The following DDX10 variants were observed in gnomAD, a reference collection of about 807,000 sequenced individuals.
DDX10 encodes the protein DEAD-box helicase 10.
A neutral mutation model predicts 104.3 loss-of-function variants in DDX10; 74 were observed. The observed-to-expected ratio is 0.71, with a 90% CI of 0.59 to 0.86. DDX10 has a LOEUF of 0.86. DDX10 is among the 40% of genes least tolerant of loss of function. DDX10 has a pLI of 0.00. For missense variants in DDX10, 952 were observed against 1,040.0 expected, an observed-to-expected ratio of 0.92 and a Z score of 1.16; for synonymous variants, 351 against 353.4, an observed-to-expected ratio of 0.99 and a Z score of 0.08.
intron 6 of DDX10, among the ~76,000 whole-genome samples, chr11:108,680,509 G>C (rs2094233381): frequency 6.6e-6 from 1 of 152,202 alleles, no homozygotes; most frequent in Non-Finnish European, 1.5e-5. Context: ...ATGAGCCACT[G>C]TGCCCAGCTG....
chr11:108,720,629 C>T (rs942137060), intron 12 of DDX10, among the ~76,000 whole-genome samples: 6 of 152,076 alleles, frequency 3.9e-5, no homozygotes, highest in African/African-American at 1.2e-4. Context: ...CTTATTCTGT[C>T]ACCCAGGCCA....
intron 13 of DDX10, among the ~76,000 whole-genome samples, chr11:108,813,160 A>G (rs1216705539): frequency 6.6e-6 from 1 of 152,162 alleles, no homozygotes; most frequent in Non-Finnish European, 1.5e-5. Context: ...TACCTATAGA[A>G]TAAATTCCTA....
At chr11:108,805,541 A>G (rs1265185569) in intron 13 of DDX10, among the ~76,000 whole-genome samples, 5 of 152,212 alleles carry the variant, frequency 3.3e-5, no homozygotes, top group African/African-American at 9.6e-5. Context: ...TTTAACTTCA[A>G]TTTGTTAAGA....
At chr11:108,773,455 A>T (rs909143778) in intron 13 of DDX10, among the ~76,000 whole-genome samples, 14 of 152,090 alleles carry the variant, frequency 9.2e-5, no homozygotes, top group Non-Finnish European at 1.5e-4. Flanking sequence ...GAAATAATAA[A>T]TTTTTTTATT....
chr11:108,707,392 C>A (rs2094277578), intron 10 of DDX10, among the ~76,000 whole-genome samples: 1 of 152,162 alleles, frequency 6.6e-6, no homozygotes, highest in African/African-American at 2.4e-5. Context: ...ATATTGGCTT[C>A]TTTCACTTAG....
intron 17 of DDX10, among the ~76,000 whole-genome samples, chr11:108,936,138 AGTT>A (rs919122339): frequency 3.9e-5 from 6 of 152,200 alleles, no homozygotes; most frequent in African/African-American, 1.2e-4. Flanking sequence ...AGGGACCCTA[AGTT>A]GGAGATCAGG....
At chr11:108,706,624 T>C in intron 9 of DDX10, 115 bp from the exon 10 acceptor site, 1 of 774,904 alleles carries the variant, frequency 1.3e-6, no homozygotes, top group Non-Finnish European at 2.2e-6. Flanking sequence ...AAAGCCAGTC[T>C]CTGACATTTA....
At chr11:108,794,160 CT>C (rs1264284097) in intron 13 of DDX10, among the ~76,000 whole-genome samples, 1 of 152,080 alleles carries the variant, frequency 6.6e-6, no homozygotes, top group Admixed American at 6.5e-5. Flanking sequence ...GCACACTTCC[CT>C]TTGATAAACT....
intron 17 of DDX10, among the ~76,000 whole-genome samples, chr11:108,927,631 G>C (rs141101988): frequency 1.6e-5 from 2 of 128,724 alleles, no homozygotes; most frequent in Non-Finnish European, 3.4e-5. Context: ...GACAGCACTT[G>C]GAACTTTTTT....
chr11:108,910,091 A>AG (rs1356926941), intron 16 of DDX10, among the ~76,000 whole-genome samples: 1 of 152,112 alleles, frequency 6.6e-6, no homozygotes, highest in Non-Finnish European at 1.5e-5. Flanking sequence ...AAAAAAAAAA[A>AG]AGGCTTGGGG....
intron 13 of DDX10, among the ~76,000 whole-genome samples, chr11:108,749,512 A>G (rs1025045969): frequency 2.0e-5 from 3 of 152,178 alleles, no homozygotes; most frequent in South Asian, 2.1e-4. Context: ...AAGAAATCAT[A>G]TAACTTTCCT....
intron 13 of DDX10, among the ~76,000 whole-genome samples, chr11:108,726,946 C>T (rs996821558): frequency 7.2e-5 from 11 of 151,952 alleles, no homozygotes; most frequent in African/African-American, 2.7e-4. Flanking sequence ...AAGGTGATGA[C>T]GTGGTGGTTT....
In DDX10 at chr11:108,873,981, C is replaced by A. The variant is rs146404203; in HGVS notation, c.2304+21772C>A. ...AGAGTCTATTTCTGTTAGGTGTTGTCGCTAACCAAGTAGCTACCTACTTGA... is the reference window on the plus strand; with the variant it reads ...AGAGTCTATTTCTGTTAGGTGTTGTAGCTAACCAAGTAGCTACCTACTTGA... On this transcript the variant is annotated intron_variant, in intron 16 of 17. Transcript: ENST00000322536. Among the ~76,000 whole-genome samples the A allele has an allele frequency of 6.6e-3, 1,004 of 152,228 alleles. 4 individuals are homozygous for A. The highest frequency in any genetic ancestry group is 1.0e-2 in the Non-Finnish European group (679 of 67,996).
chr11:108,910,911 T>G (rs1020286025), intron 16 of DDX10, among the ~76,000 whole-genome samples: 1 of 151,976 alleles, frequency 6.6e-6, no homozygotes, highest in African/African-American at 2.4e-5. Context: ...TGGTGGTAAC[T>G]TGCAACTTGG....
At chr11:108,831,013 TAAAC>T (rs72417245) in intron 13 of DDX10, among the ~76,000 whole-genome samples, 69,881 of 151,674 alleles carry the variant, frequency 0.46, 19,353 homozygotes, top group Non-Finnish European at 0.61. Flanking sequence ...TTTTAAATCA[TAAAC>T]AAGTTCTATT....
At chr11:108,763,707 C>G (rs1390859273) in intron 13 of DDX10, among the ~76,000 whole-genome samples, 2 of 152,082 alleles carry the variant, frequency 1.3e-5, no homozygotes, top group Non-Finnish European at 2.9e-5. Flanking sequence ...AATTGTGACT[C>G]ATTGGATAGT....
intron 6 of DDX10, among the ~76,000 whole-genome samples, chr11:108,688,635 C>G (rs1565247560): frequency 6.6e-6 from 1 of 152,114 alleles, no homozygotes; most frequent in Non-Finnish European, 1.5e-5. Flanking sequence ...TACTAATCAG[C>G]CCAGCAAGTT....
intron 13 of DDX10, among the ~76,000 whole-genome samples, chr11:108,781,358 G>A (rs2094377850): frequency 6.6e-6 from 1 of 152,140 alleles, no homozygotes. Context: ...GAATAGCATG[G>A]CATTGAACAT....
intron 16 of DDX10, among the ~76,000 whole-genome samples, chr11:108,903,524 G>T (rs1863546545): frequency 6.6e-6 from 1 of 152,062 alleles, no homozygotes; most frequent in South Asian, 2.1e-4. Context: ...ACATTTTCTT[G>T]TCATTATTTC....
Sources: allele counts gnomAD v4.1 joint callset (sites outside exome capture counted in the v4.1 genomes callset), GRCh38; gene constraint gnomAD v4.1.1; transcripts MANE v1.5; gene names NCBI Gene and HGNC (gene_info 2026-07-23, HGNC 2026-07-21).